SLMAP: variants seen among roughly 807,000 people sequenced by gnomAD.
SLMAP encodes the protein sarcolemmal membrane-associated protein.
Under a neutral mutation model 128.8 loss-of-function variants are expected in SLMAP, and 44 were observed. That is an observed-to-expected ratio of 0.34 (90% CI 0.27 to 0.44). The LOEUF (loss-of-function observed/expected upper bound fraction) is 0.44, where lower values mean the gene tolerates loss of function less well. Among genes scored for constraint, SLMAP ranks in the 20% least tolerant of loss-of-function variants. The pLI is 1.00. For missense variants in SLMAP, 787 were observed against 985.3 expected, an observed-to-expected ratio of 0.80 and a Z score of 2.69; for synonymous variants, 327 against 348.8, an observed-to-expected ratio of 0.94 and a Z score of 0.70.
chr3:57,830,904 A>C (rs540871546), intron 2 of SLMAP, among the ~76,000 whole-genome samples: 105 of 152,316 alleles, frequency 6.9e-4, no homozygotes, highest in African/African-American at 2.3e-3. Context: ...CATGTTATCA[A>C]TACTTCACCC....
At chr3:57,797,918 A>G (rs1227936056) in intron 2 of SLMAP, among the ~76,000 whole-genome samples, 1 of 152,188 alleles carries the variant, frequency 6.6e-6, no homozygotes, top group Non-Finnish European at 1.5e-5. Flanking sequence ...CAATGGGTTC[A>G]TATCCTGGTT....
chr3:57,842,731 A>ATTTTCTTCTCATTGTTTGTC (rs2093998982), intron 4 of SLMAP, among the ~76,000 whole-genome samples: 1 of 151,898 alleles, frequency 6.6e-6, no homozygotes, highest in African/African-American at 2.4e-5. Flanking sequence ...ATCTTTGCCC[A>ATTTTCTTCTCATTGTTTGTC]TTTTCTTCTC....
intron 2 of SLMAP, among the ~76,000 whole-genome samples, chr3:57,760,020 A>G (rs2078300805): frequency 6.6e-6 from 1 of 152,200 alleles, no homozygotes; most frequent in Admixed American, 6.5e-5. Context: ...GCTCACTGCA[A>G]CGTCTGCCTC....
At chr3:57,886,600 G>T (rs1468564794) in intron 14 of SLMAP, among the ~76,000 whole-genome samples, 3 of 146,302 alleles carry the variant, frequency 2.1e-5, no homozygotes, top group Non-Finnish European at 3.0e-5. Context: ...TTTTCAAGAG[G>T]GAAAATTAAA....
chr3:57,806,777 T>C (rs1374161730), intron 2 of SLMAP, among the ~76,000 whole-genome samples: 2 of 152,222 alleles, frequency 1.3e-5, no homozygotes, highest in Non-Finnish European at 2.9e-5. Flanking sequence ...GATGGGCATT[T>C]GGGTTGGTTC....
intron 2 of SLMAP, among the ~76,000 whole-genome samples, chr3:57,758,290 G>C (rs1174557521): frequency 6.6e-6 from 1 of 152,134 alleles, no homozygotes; most frequent in Non-Finnish European, 1.5e-5. Context: ...ATAGCTTTAG[G>C]TGAGTTCAGA....
intron 17 of SLMAP, among the ~76,000 whole-genome samples, chr3:57,907,681 C>A (rs2096602470): frequency 1.3e-5 from 2 of 152,120 alleles, no homozygotes; most frequent in Non-Finnish European, 2.9e-5. Flanking sequence ...AATGTCATCA[C>A]CATGATTACT....
intron 2 of SLMAP, among the ~76,000 whole-genome samples, chr3:57,781,071 A>G (rs556674859): frequency 1.9e-4 from 29 of 151,898 alleles, no homozygotes; most frequent in Non-Finnish European, 3.8e-4. Flanking sequence ...AGATACAAAA[A>G]ATAGAATAAA....
Position 57,917,066 on chromosome 3 carries a change from G to T in SLMAP, c.2299G>T (p.Val767Leu), listed in dbSNP as rs771553439. 2.5e-6 allele frequency: 4 copies of T among 1,613,822 alleles called. No homozygotes were observed. Among genetic ancestry groups the T allele is most frequent in the East Asian group, 4.5e-5 (2 of 44,770 alleles). The change falls in exon 22 of 25, where the codon GTG becomes TTG. Residue 767 changes from valine (V) to leucine (L), a missense_variant. Physicochemically the swap from Val to Leu is conservative, Grantham distance 32. Transcript: ENST00000671191. The stretch of plus-strand genomic sequence containing the variant: ...TAAGGCAGAAAACCAAGCAAAGGAT[G>T]TGCAGAAAGAGGTAAAGCGAAAAGA... Reference protein sequence around the residue: ...LSKAENQAKDVQKEYEKTQTV... With the variant: ...LSKAENQAKDLQKEYEKTQTV...
intron 4 of SLMAP, among the ~76,000 whole-genome samples, chr3:57,843,583 G>C (rs1423023495): frequency 6.6e-6 from 1 of 151,542 alleles, no homozygotes; most frequent in African/African-American, 2.4e-5. Flanking sequence ...TGGGATTATA[G>C]GCCTGAGCCA....
At chr3:57,829,292 A>G (rs1168260443) in intron 2 of SLMAP, among the ~76,000 whole-genome samples, 1 of 151,736 alleles carries the variant, frequency 6.6e-6, no homozygotes, top group East Asian at 1.9e-4. Flanking sequence ...ATGTTTTTTT[A>G]AAAAATGCTA....
intron 20 of SLMAP, 38 bp downstream of exon 20, chr3:57,912,739 G>T: frequency 1.3e-6 from 2 of 1,484,814 alleles, no homozygotes; most frequent in South Asian, 2.4e-5. Context: ...GTTAACTTTT[G>T]ACAATGATAA....
At chr3:57,773,401 A>ATGGTAAAAT (rs1055249068) in intron 2 of SLMAP, among the ~76,000 whole-genome samples, 1 of 152,246 alleles carries the variant, frequency 6.6e-6, no homozygotes, top group Non-Finnish European at 1.5e-5. Context: ...TAATTAGCCT[A>ATGGTAAAAT]TGGTAAAATT....
At chr3:57,863,025 A>G (rs1028653814) in intron 10 of SLMAP, among the ~76,000 whole-genome samples, 1 of 152,218 alleles carries the variant, frequency 6.6e-6, no homozygotes, top group Non-Finnish European at 1.5e-5. Flanking sequence ...AGCAAAACCC[A>G]TGATATTCAG....
rs573037182 is a variant in SLMAP, at chr3:57,847,878, G to A, written c.456+645G>A. ...TTTTTCTTCCATTTGAATGAAGAAT[G>A]AAAGCCTGCTTAAAACTGAAGTTCT... On this transcript the variant is annotated intron_variant, in intron 5 of 24. Coordinates refer to ENST00000671191, the MANE Select transcript of SLMAP (RefSeq NM_001377540.1). 2.0e-5 allele frequency among the ~76,000 whole-genome samples: 3 copies of A among 152,258 alleles called. No individual in the cohort carries two copies. In the East Asian group the frequency reaches 5.8e-4, roughly 29 times the overall value.
chr3:57,811,586 C>T (rs1391392211), intron 2 of SLMAP, among the ~76,000 whole-genome samples: 1 of 152,270 alleles, frequency 6.6e-6, no homozygotes, highest in East Asian at 1.9e-4. Flanking sequence ...TGAGACCCTA[C>T]TTTTGGCTAT....
chr3:57,771,992 A>G (rs1315469712), intron 2 of SLMAP, among the ~76,000 whole-genome samples: 1 of 152,248 alleles, frequency 6.6e-6, no homozygotes, highest in Non-Finnish European at 1.5e-5. Flanking sequence ...AAAAGAACCT[A>G]TAATGCTCTT....
At chr3:57,857,705 G>A in intron 6 of SLMAP, 28 bp from the exon 7 acceptor site, 1 of 1,431,792 alleles carries the variant, frequency 7.0e-7, no homozygotes, top group Non-Finnish European at 9.8e-7. Context: ...GAGCTTATTA[G>A]AATCTGTTTT....
chr3:57,778,688 T>A (rs750376123), intron 2 of SLMAP, among the ~76,000 whole-genome samples: 44 of 151,212 alleles, frequency 2.9e-4, no homozygotes, highest in Non-Finnish European at 5.8e-4. Flanking sequence ...AATCTTCCCG[T>A]CCTCAGCCTC....
Sources: allele counts gnomAD v4.1 joint callset (sites outside exome capture counted in the v4.1 genomes callset), GRCh38; gene constraint gnomAD v4.1.1; transcripts MANE v1.5; gene names NCBI Gene and HGNC (gene_info 2026-07-23, HGNC 2026-07-21).